KIAA1549L: variants seen among roughly 807,000 people sequenced by gnomAD.
KIAA1549L encodes UPF0606 protein KIAA1549L.
KIAA1549L carries 88 observed loss-of-function variants against 160.7 expected under a neutral mutation model. The ratio of observed to expected loss-of-function variants is 0.55; its 90% CI spans 0.46 to 0.65. KIAA1549L has a LOEUF of 0.65. KIAA1549L is among the 30% of genes least tolerant of loss of function. KIAA1549L has a pLI of 0.00. For missense variants in KIAA1549L, 2,258 were observed against 2,437.5 expected, an observed-to-expected ratio of 0.93 and a Z score of 1.55; for synonymous variants, 950 against 976.7, an observed-to-expected ratio of 0.97 and a Z score of 0.51.
At chr11:33,518,983 G>A (rs1847070452) in intron 1 of KIAA1549L, among the ~76,000 whole-genome samples, 1 of 152,132 alleles carries the variant, frequency 6.6e-6, no homozygotes, top group African/African-American at 2.4e-5. Context: ...TTTGGATTTT[G>A]GAGCATTTCA....
chr11:33,549,659 C>T (rs931057526), intron 4 of KIAA1549L, among the ~76,000 whole-genome samples: 2 of 152,156 alleles, frequency 1.3e-5, no homozygotes, highest in East Asian at 3.8e-4. Flanking sequence ...TGTCTTGCTT[C>T]CTTTGGAAAA....
chr11:33,624,888 C>A (rs924251211), intron 16 of KIAA1549L, among the ~76,000 whole-genome samples: 3 of 149,270 alleles, frequency 2.0e-5, no homozygotes, highest in Admixed American at 6.7e-5. Flanking sequence ...AGGTATATCT[C>A]CCAGTGCTAT....
At chr11:33,479,626 A>G (rs1382429045) in intron 1 of KIAA1549L, among the ~76,000 whole-genome samples, 2 of 152,168 alleles carry the variant, frequency 1.3e-5, no homozygotes, top group African/African-American at 2.4e-5. Flanking sequence ...GAATAAGAGA[A>G]GGCTTTCTGT....
At chr11:33,425,561 G>A (rs1057454758) in intron 1 of KIAA1549L, among the ~76,000 whole-genome samples, 1 of 152,180 alleles carries the variant, frequency 6.6e-6, no homozygotes, top group Non-Finnish European at 1.5e-5. Flanking sequence ...AAATATTCAT[G>A]GGAGACATCC....
rs147612293 is a variant in KIAA1549L at position 33,389,283 on chromosome 11, G to A, written c.238+12394G>A. Among the ~76,000 whole-genome samples, 97 of 152,300 alleles carry A rather than the reference G, an allele frequency of 6.4e-4. 1 individual carries two copies. Among genetic ancestry groups the A allele is most frequent in the African/African-American group, 2.0e-3 (85 of 41,534 alleles). The stretch of plus-strand genomic sequence containing the variant: ...TCACTTGCCTTTTTATTTACCAGGT[G>A]TCAACAGCAAACCCAAGAAGGCTGA... On this transcript the variant is annotated intron_variant, in intron 1 of 20. Coordinates refer to ENST00000658780, the MANE Select transcript of KIAA1549L (RefSeq NM_012194.3).
chr11:33,611,783 A>G (rs971508547), intron 15 of KIAA1549L, among the ~76,000 whole-genome samples: 9 of 152,220 alleles, frequency 5.9e-5, no homozygotes, highest in African/African-American at 1.9e-4. Flanking sequence ...GTGGGGCTAA[A>G]TTTTATGAAT....
chr11:33,614,566 ATATATATATATATATATATTTT>A (rs1850748641), intron 15 of KIAA1549L, among the ~76,000 whole-genome samples: 3 of 13,970 alleles, frequency 2.1e-4, no homozygotes, highest in African/African-American at 1.4e-3. Flanking sequence ...ATATATATAT[ATATATATATATATATATATTTT>A]TTTTTTTTTT....
intron 1 of KIAA1549L, among the ~76,000 whole-genome samples, chr11:33,408,489 G>GTGTATATATATATATATATA (rs34208718): frequency 4.6e-4 from 57 of 123,050 alleles, no homozygotes; most frequent in South Asian, 1.7e-3. Context: ...CTGTATATGT[G>GTGTATATATATATATATATA]TATATATATA....
chr11:33,545,083 C>G lies in KIAA1549L; in HGVS notation c.3090C>G (p.Asp1030Glu). The G allele has an allele frequency of 6.2e-7, 1 of 1,614,026 alleles. No homozygotes were observed. The highest frequency in any genetic ancestry group is 8.5e-7 in the Non-Finnish European group (1 of 1,179,898). Residue 1030 changes from aspartate (D) to glutamate (E), a missense_variant, in exon 3 of 21, where the codon GAC becomes GAG. Asp to Glu is a conservative substitution (Grantham distance 45, BLOSUM62 2). This residue lies in a region of KIAA1549L where 1,359 missense variants were observed against 1,546.6 expected (regional missense o/e 0.88). Transcript: ENST00000658780. ...STHTAMQGNM[D>E]TASGLLSTTY... ...ATACAGCCATGCAAGGAAACATGGACACTGCCTCTGGCCTGTTGTCTACAA... is the reference window on the plus strand; with the variant it reads ...ATACAGCCATGCAAGGAAACATGGAGACTGCCTCTGGCCTGTTGTCTACAA...
chr11:33,450,213 A>T (rs1851691638), intron 1 of KIAA1549L, among the ~76,000 whole-genome samples: 1 of 152,116 alleles, frequency 6.6e-6, no homozygotes, highest in Admixed American at 6.6e-5. Context: ...GCCACTTGGG[A>T]TGAAAATGGG....
At chr11:33,487,577 C>T (rs1316838137) in intron 1 of KIAA1549L, among the ~76,000 whole-genome samples, 4 of 152,068 alleles carry the variant, frequency 2.6e-5, no homozygotes. Flanking sequence ...GCCTTGCCTT[C>T]AGAAGTTTGT....
intron 1 of KIAA1549L, among the ~76,000 whole-genome samples, chr11:33,418,058 C>T (rs552858876): frequency 1.4e-4 from 22 of 152,294 alleles, no homozygotes; most frequent in African/African-American, 5.1e-4. Context: ...GGATTACAGG[C>T]GTGAGCCACC....
At chr11:33,412,871 G>T (rs528850419) in intron 1 of KIAA1549L, among the ~76,000 whole-genome samples, 2 of 152,294 alleles carry the variant, frequency 1.3e-5, no homozygotes, top group South Asian at 4.1e-4. Context: ...CAAGGAAACT[G>T]AGATATAGAG....
In KIAA1549L at chr11:33,645,860, G is replaced by A; in HGVS notation, c.5584G>A (p.Ala1862Thr). 6.2e-7 allele frequency: 1 copy of A among 1,613,910 alleles called. No homozygotes were observed. The highest frequency in any genetic ancestry group is 8.5e-7 in the Non-Finnish European group (1 of 1,179,902). ...GCTGCTGGAGGAGGCCTTCAGCCTG[G>A]CATCCGCGGGCCACGCAGGCCAGAG... ...HMLLEEAFSL[A>T]SAGHAGQSRH... Residue 1862 changes from alanine to threonine, a missense_variant, in exon 17 of 21, where the codon GCA becomes ACA. Coordinates refer to ENST00000658780, the MANE Select transcript of KIAA1549L (RefSeq NM_012194.3).
intron 1 of KIAA1549L, among the ~76,000 whole-genome samples, chr11:33,425,590 A>G (rs1041555360): frequency 6.6e-6 from 1 of 152,214 alleles, no homozygotes; most frequent in African/African-American, 2.4e-5. Context: ...TAATGAGAGT[A>G]CAATGAAGAC....
chr11:33,541,908 C>A lies in KIAA1549L; in HGVS notation c.345C>A (p.Ser115=). The change falls in exon 2 of 21, where the codon TCC becomes TCA. Residue 115 remains serine, a synonymous_variant. Coordinates refer to ENST00000658780, the MANE Select transcript of KIAA1549L (RefSeq NM_012194.3). ...PTWPFTEVRS[S]SAADRIKTVL... ...GGCCTTTCACAGAAGTCAGGTCTTC[C>A]TCAGCAGCAGACAGAATCAAGACCG... The A allele has an allele frequency of 7.4e-6, 2 of 269,416 alleles. No individual in the cohort carries two copies. The highest frequency in any genetic ancestry group is 7.2e-5 in the South Asian group (2 of 27,712). The allele number at this position is 269,416 out of a possible 1,614,324, so 16.7% of individuals were successfully genotyped here.
intron 1 of KIAA1549L, among the ~76,000 whole-genome samples, chr11:33,386,100 A>G (rs2134039589): frequency 6.6e-6 from 1 of 152,302 alleles, no homozygotes; most frequent in Admixed American, 6.5e-5. Context: ...CACTGGCTAG[A>G]ACTTCTAGTA....
At chr11:33,381,937 G>A (rs1364564349) in intron 1 of KIAA1549L, among the ~76,000 whole-genome samples, 3 of 152,218 alleles carry the variant, frequency 2.0e-5, no homozygotes, top group Non-Finnish European at 4.4e-5. Flanking sequence ...AATTGAGACA[G>A]CAGTTCAGGT....
At chr11:33,517,914 G>A (rs1291587381) in intron 1 of KIAA1549L, among the ~76,000 whole-genome samples, 3 of 151,902 alleles carry the variant, frequency 2.0e-5, no homozygotes, top group South Asian at 2.1e-4. Flanking sequence ...GGCTGAAGTC[G>A]GTGGATCATG....
Sources: allele counts gnomAD v4.1 joint callset (sites outside exome capture counted in the v4.1 genomes callset), GRCh38; gene constraint gnomAD v4.1.1; regional missense constraint gnomAD v4.1.1; transcripts MANE v1.5; gene names NCBI Gene and HGNC (gene_info 2026-07-23, HGNC 2026-07-21).